Variants in SULF1 observed in about 807,000 individuals in gnomAD.
The protein encoded by SULF1 is sulfatase 1.
SULF1 carries 46 observed loss-of-function variants against 110.5 expected under a neutral mutation model. The observed-to-expected ratio is 0.42, with a 90% CI of 0.33 to 0.53. The LOEUF (loss-of-function observed/expected upper bound fraction) is 0.53. Ranked by LOEUF, SULF1 falls within the 20% of genes least tolerant of loss-of-function variation. The pLI, the probability that SULF1 is intolerant of heterozygous loss-of-function variation, is 0.12. For synonymous variants in SULF1, 371 were observed against 387.1 expected (o/e 0.96, Z 0.49); for missense variants, 941 against 1,094.2 (o/e 0.86, Z 1.98).
chr8:69,538,428 G>A, intron 3 of SULF1, among the ~76,000 whole-genome samples: 1 of 152,116 alleles, frequency 6.6e-6, no homozygotes, highest in South Asian at 2.1e-4. Context: ...TCTAGGTTAA[G>A]TGCAGTAATG....
intron 13 of SULF1, among the ~76,000 whole-genome samples, chr8:69,607,381 T>C (rs950248240): frequency 6.6e-6 from 1 of 152,184 alleles, no homozygotes; most frequent in Non-Finnish European, 1.5e-5. Flanking sequence ...TTTGTTTTCT[T>C]TGGGACAGGG....
chr8:69,467,309 G>A (rs1368337740), intron 1 of SULF1, among the ~76,000 whole-genome samples: 1 of 152,236 alleles, frequency 6.6e-6, no homozygotes, highest in Non-Finnish European at 1.5e-5. Context: ...CTTTCAAACT[G>A]TTGCATTTTA....
chr8:69,579,588 C>T (rs192117708), intron 6 of SULF1, among the ~76,000 whole-genome samples: 14 of 149,918 alleles, frequency 9.3e-5, no homozygotes, highest in Admixed American at 8.7e-4. Flanking sequence ...AATGGGAAGA[C>T]TGAAATGGCA....
chr8:69,628,674 T>A (rs1810287319), intron 18 of SULF1, among the ~76,000 whole-genome samples: 1 of 152,140 alleles, frequency 6.6e-6, no homozygotes, highest in African/African-American at 2.4e-5. Context: ...TGAAGGAGAT[T>A]TAGTATTTAA....
chr8:69,606,577 C>A (rs1411857312), intron 13 of SULF1, among the ~76,000 whole-genome samples: 5 of 152,140 alleles, frequency 3.3e-5, no homozygotes, highest in Admixed American at 3.3e-4. Context: ...GAATAAGGTA[C>A]ACTGCCTACA....
chr8:69,580,962 A>T (rs1273032684), intron 6 of SULF1, among the ~76,000 whole-genome samples: 1 of 152,226 alleles, frequency 6.6e-6, no homozygotes, highest in Non-Finnish European at 1.5e-5. Context: ...GAGTTCACTT[A>T]AAGTAAGACA....
intron 6 of SULF1, among the ~76,000 whole-genome samples, chr8:69,579,124 G>A (rs1199494888): frequency 7.4e-6 from 1 of 135,880 alleles, no homozygotes; most frequent in Non-Finnish European, 1.5e-5. Context: ...TCGTGCCACT[G>A]CACTCCAGTC....
chr8:69,622,849 G>T (rs961517994), intron 14 of SULF1, among the ~76,000 whole-genome samples: 3 of 151,966 alleles, frequency 2.0e-5, no homozygotes, highest in Admixed American at 6.5e-5. Flanking sequence ...GATGGAACTC[G>T]TAAGCACTCT....
At chr8:69,518,010 T>C (rs1266224678) in intron 3 of SULF1, among the ~76,000 whole-genome samples, 2 of 152,250 alleles carry the variant, frequency 1.3e-5, no homozygotes, top group African/African-American at 2.4e-5. Context: ...ATTGCATTTA[T>C]TAGGCTTTCA....
At chr8:69,587,343 A>T (rs115650926) in intron 7 of SULF1, among the ~76,000 whole-genome samples, 3 of 152,286 alleles carry the variant, frequency 2.0e-5, no homozygotes, top group East Asian at 1.9e-4. Context: ...AGGCTAGATC[A>T]CTTGGTAGAA....
chr8:69,592,100 C>T (rs1002649701), intron 8 of SULF1, among the ~76,000 whole-genome samples: 3 of 151,158 alleles, frequency 2.0e-5, no homozygotes, highest in Non-Finnish European at 4.4e-5. Flanking sequence ...ACTTCATGGA[C>T]CAAGGCTTCA....
Position 69,638,775 on chromosome 8 carries a change from A to G in SULF1, c.2468A>G (p.Asn823Ser). The G allele has an allele frequency of 6.2e-7, 1 of 1,614,168 alleles. No individual in the cohort carries two copies. The highest frequency in any genetic ancestry group is 2.2e-5 in the East Asian group (1 of 44,872). The change falls in exon 21 of 23, where the codon AAT becomes AGT. Residue 823 changes from asparagine (N) to serine (S), a missense_variant. Asn to Ser is a conservative substitution (Grantham distance 46). This residue lies in a region of SULF1 where 112 missense variants were observed against 133.5 expected (regional missense o/e 0.84). Coordinates refer to ENST00000402687, the MANE Select transcript of SULF1 (RefSeq NM_001128205.2). ...TVHTVERGIL[N>S]QLHVQLMELR... is the part of the protein sequence containing the mutation. ...CACACGGTAGAACGAGGCATTTTGA[A>G]TCAGCTACACGTACAACTAATGGAG...
chr8:69,568,255 T>C (rs114497760), intron 5 of SULF1, among the ~76,000 whole-genome samples: 2,427 of 152,340 alleles, frequency 0.016, 68 homozygotes, highest in African/African-American at 0.056. Context: ...AAAATTCTAA[T>C]AGAATACTTT....
intron 1 of SULF1, among the ~76,000 whole-genome samples, chr8:69,486,175 G>A (rs746670562): frequency 3.3e-5 from 5 of 152,220 alleles, no homozygotes; most frequent in East Asian, 1.9e-4. Context: ...GCTTAAGAAC[G>A]TTCATGCCAT....
chr8:69,649,570 A>C (rs765249423), intron 22 of SULF1, among the ~76,000 whole-genome samples: 3 of 152,144 alleles, frequency 2.0e-5, no homozygotes, highest in Non-Finnish European at 2.9e-5. Flanking sequence ...CTCTTTTTAG[A>C]GTATTCTTTT....
At chr8:69,630,978 C>G (rs1413044843) in intron 19 of SULF1, among the ~76,000 whole-genome samples, 4 of 151,652 alleles carry the variant, frequency 2.6e-5, no homozygotes, top group African/African-American at 9.7e-5. Flanking sequence ...CTGCCCCCAC[C>G]CTGCAACAGT....
chr8:69,583,488 C>T (rs187958264), intron 6 of SULF1, among the ~76,000 whole-genome samples: 2 of 151,820 alleles, frequency 1.3e-5, no homozygotes, highest in East Asian at 1.9e-4. Context: ...ACAGGAGAAT[C>T]GCTTGAACCC....
intron 8 of SULF1, among the ~76,000 whole-genome samples, chr8:69,589,907 G>A (rs1806766804): frequency 6.6e-6 from 1 of 152,222 alleles, no homozygotes; most frequent in Non-Finnish European, 1.5e-5. Context: ...TCCACACAGA[G>A]CAGTGGAGTT....
At chr8:69,607,056 A>T (rs1808269718) in intron 13 of SULF1, among the ~76,000 whole-genome samples, 1 of 152,146 alleles carries the variant, frequency 6.6e-6, no homozygotes, top group Admixed American at 6.5e-5. Flanking sequence ...GTGAATTGTT[A>T]CTCTAATCCC....
Sources: gnomAD v4.1 joint callset for allele counts (sites outside exome capture counted in the v4.1 genomes callset) on GRCh38, gnomAD v4.1.1 for gene constraint, gnomAD v4.1.1 regional missense constraint, MANE v1.5 for transcripts, NCBI Gene and HGNC (gene_info 2026-07-23, HGNC 2026-07-21) for gene names.